FAM135B: variants seen among roughly 807,000 people sequenced by gnomAD.
The protein encoded by FAM135B is protein FAM135B.
Under a neutral mutation model 127.7 loss-of-function variants are expected in FAM135B, and 43 were observed. The observed-to-expected ratio is 0.34, with a 90% CI of 0.26 to 0.43. The LOEUF is 0.43. Ranked by LOEUF, FAM135B falls within the 20% of genes least tolerant of loss-of-function variation. The pLI, the probability that FAM135B is intolerant of heterozygous loss-of-function variation, is 1.00. For synonymous variants in FAM135B, 670 were observed against 665.1 expected, an observed-to-expected ratio of 1.01 and a Z score of -0.11; for missense variants, 1,558 against 1,725.6, an observed-to-expected ratio of 0.90 and a Z score of 1.72.
intron 2 of FAM135B, among the ~76,000 whole-genome samples, chr8:138,349,340 A>T (rs1257278936): frequency 6.6e-6 from 1 of 152,162 alleles, no homozygotes; most frequent in Non-Finnish European, 1.5e-5. Context: ...TTGGAACAGG[A>T]TCCTGCACCC....
intron 7 of FAM135B, among the ~76,000 whole-genome samples, chr8:138,211,688 T>C (rs568891513): frequency 6.6e-6 from 1 of 152,350 alleles, no homozygotes; most frequent in Admixed American, 6.5e-5. Context: ...AGTACACTGC[T>C]GAATGCTGTG....
chr8:138,300,853 C>A (rs1434930024), intron 3 of FAM135B, among the ~76,000 whole-genome samples: 2 of 149,980 alleles, frequency 1.3e-5, no homozygotes, highest in African/African-American at 4.9e-5. Flanking sequence ...CAGGTTCAAG[C>A]GATTCTCCTG....
intron 9 of FAM135B, among the ~76,000 whole-genome samples, chr8:138,190,441 G>A (rs1447833132): frequency 1.3e-5 from 2 of 152,138 alleles, no homozygotes; most frequent in Non-Finnish European, 2.9e-5. Flanking sequence ...TGACAAAACA[G>A]ACTCCTTGTA....
chr8:138,379,796 A>G (rs953202330), intron 1 of FAM135B, among the ~76,000 whole-genome samples: 28 of 152,164 alleles, frequency 1.8e-4, no homozygotes, highest in African/African-American at 5.8e-4. Flanking sequence ...GTTTCAATGC[A>G]ATAATAGACA....
At chr8:138,315,982 T>C (rs186500248) in intron 2 of FAM135B, among the ~76,000 whole-genome samples, 10 of 152,238 alleles carry the variant, frequency 6.6e-5, no homozygotes, top group African/African-American at 2.2e-4. Flanking sequence ...TATTGTATTA[T>C]ATACTGAAAT....
chr8:138,158,915 C>T (rs1166140524), intron 12 of FAM135B, among the ~76,000 whole-genome samples: 3 of 152,102 alleles, frequency 2.0e-5, no homozygotes, highest in Non-Finnish European at 4.4e-5. Context: ...CTAGAAATAC[C>T]ATTTGACCCA....
intron 4 of FAM135B, among the ~76,000 whole-genome samples, chr8:138,261,525 T>G (rs1245064966): frequency 2.6e-5 from 4 of 152,230 alleles, no homozygotes; most frequent in Admixed American, 6.5e-5. Context: ...TTTTCCTGTA[T>G]GTATTTTTCC....
chr8:138,248,375 T>G (rs1326463361), intron 6 of FAM135B, among the ~76,000 whole-genome samples: 1 of 152,214 alleles, frequency 6.6e-6, no homozygotes, highest in African/African-American at 2.4e-5. Flanking sequence ...TTGATTTATC[T>G]CAGAGCTTCC....
At chr8:138,408,788 A>C (rs947424398) in intron 1 of FAM135B, among the ~76,000 whole-genome samples, 1 of 152,032 alleles carries the variant, frequency 6.6e-6, no homozygotes, top group Non-Finnish European at 1.5e-5. Context: ...AGCATGGGGG[A>C]AATCACCCCC....
chr8:138,370,067 G>A (rs1831016905), intron 1 of FAM135B, among the ~76,000 whole-genome samples: 1 of 152,132 alleles, frequency 6.6e-6, no homozygotes, highest in Non-Finnish European at 1.5e-5. Flanking sequence ...AAAGCCCTCT[G>A]CATGAGTAGT....
intron 1 of FAM135B, among the ~76,000 whole-genome samples, chr8:138,488,403 T>C (rs1290582781): frequency 1.3e-5 from 2 of 151,114 alleles, no homozygotes; most frequent in African/African-American, 4.9e-5. Context: ...TTTCAGATAA[T>C]GATATGATAA....
chr8:138,143,044 A>T lies in FAM135B; in HGVS notation c.3606T>A (p.Ile1202=), dbSNP rs750150046. 2 of 1,607,490 alleles carry T rather than the reference A, an allele frequency of 1.2e-6. No homozygotes were observed. Among genetic ancestry groups the T allele is most frequent in the Non-Finnish European group, 1.7e-6 (2 of 1,173,976 alleles). ...GGGATATGGAGAGGTTGTACAACTGAATGTGTTGAATGATTTCATCCAATA... is the reference window on the plus strand; with the variant it reads ...GGGATATGGAGAGGTTGTACAACTGTATGTGTTGAATGATTTCATCCAATA... ...DRLLDEIIQH[I]QLYNLSISRI... Residue 1202 remains isoleucine, a synonymous_variant, in exon 16 of 20, where the codon ATT becomes ATA. Coordinates refer to ENST00000395297, the MANE Select transcript of FAM135B (RefSeq NM_015912.4).
intron 2 of FAM135B, among the ~76,000 whole-genome samples, chr8:138,329,116 G>C (rs1248921849): frequency 6.6e-6 from 1 of 152,190 alleles, no homozygotes; most frequent in Non-Finnish European, 1.5e-5. Context: ...CGATTGAAAA[G>C]CAGACAGTGA....
chr8:138,403,659 C>T (rs772164987), intron 1 of FAM135B, among the ~76,000 whole-genome samples: 9 of 152,170 alleles, frequency 5.9e-5, no homozygotes, highest in Non-Finnish European at 1.3e-4. Flanking sequence ...TGGACCATGA[C>T]CTTTTGCTCT....
At chr8:138,373,925 A>G (rs771748053) in intron 1 of FAM135B, among the ~76,000 whole-genome samples, 3 of 151,988 alleles carry the variant, frequency 2.0e-5, no homozygotes, top group African/African-American at 4.8e-5. Flanking sequence ...GGTGCCTGAA[A>G]CTTCATTAGC....
At chr8:138,357,936 C>A (rs539395642) in intron 2 of FAM135B, among the ~76,000 whole-genome samples, 17 of 152,202 alleles carry the variant, frequency 1.1e-4, no homozygotes, top group African/African-American at 4.1e-4. Context: ...AGTATATTAA[C>A]CCATTTTCAT....
At chr8:138,425,835 C>T (rs1007977445) in intron 1 of FAM135B, among the ~76,000 whole-genome samples, 1 of 151,566 alleles carries the variant, frequency 6.6e-6, no homozygotes, top group African/African-American at 2.4e-5. Flanking sequence ...GCAAAAAGTT[C>T]ACAGGAACTG....
At chr8:138,371,046 T>A (rs1026713078) in intron 1 of FAM135B, among the ~76,000 whole-genome samples, 1 of 152,188 alleles carries the variant, frequency 6.6e-6, no homozygotes, top group African/African-American at 2.4e-5. Context: ...CCCCAGGGAA[T>A]TTAGGTGCAA....
rs1305904643 is a variant in FAM135B, at chr8:138,132,515, G to A, written c.*78C>T. ...TGTTGAAGCTTCATTCTGAAATGGTGAGGTCTGTAAAAGCAGGTCTCAGCT... is the reference window on the plus strand; with the variant it reads ...TGTTGAAGCTTCATTCTGAAATGGTAAGGTCTGTAAAAGCAGGTCTCAGCT... On this transcript the variant is annotated 3_prime_UTR_variant, in exon 20 of 20. Transcript: ENST00000395297. This position sits in a 1 kb window ranked among gnomAD's most constrained non-coding sequence, Gnocchi z 4.5. 5 of 1,191,772 alleles carry A rather than the reference G, an allele frequency of 4.2e-6. No individual in the cohort carries two copies. The highest frequency in any genetic ancestry group is 6.2e-6 in the Non-Finnish European group (5 of 810,102). The allele number at this position is 1,191,772 out of a possible 1,614,324, so 73.8% of individuals were successfully genotyped here. A position where few individuals can be genotyped will look rare whatever the true frequency, so the allele number is the denominator to read the frequency against.
Sources: gnomAD v4.1 joint callset for allele counts (sites outside exome capture counted in the v4.1 genomes callset) on GRCh38, gnomAD v4.1.1 for gene constraint, Gnocchi (gnomAD v3.1) non-coding constraint, MANE v1.5 for transcripts, NCBI Gene and HGNC (gene_info 2026-07-23, HGNC 2026-07-21) for gene names.